The following INO80 variants were observed in gnomAD, a reference collection of about 807,000 sequenced individuals.
INO80 encodes the protein INO80 complex ATPase subunit, also known as chromatin-remodeling ATPase INO80.
In INO80, 20 loss-of-function variants were observed where a neutral mutation model predicts 203.4. The observed-to-expected ratio is 0.10, with a 90% CI of 0.07 to 0.14. The LOEUF (loss-of-function observed/expected upper bound fraction) is 0.14, where lower values mean the gene tolerates loss of function less well. Ranked by LOEUF, INO80 falls within the 10% of genes least tolerant of loss-of-function variation. The pLI, the probability that INO80 is intolerant of heterozygous loss-of-function variation, is 1.00. For synonymous variants in INO80, 726 were observed against 685.2 expected (o/e 1.06, Z -0.93); for missense variants, 1,419 against 1,914.4 (o/e 0.74, Z 4.83).
At chr15:41,044,750 A>T (rs796605736) in intron 24 of INO80, among the ~76,000 whole-genome samples, 154 bp downstream of exon 24, 41 of 152,350 alleles carry the variant, frequency 2.7e-4, no homozygotes, top group African/African-American at 9.9e-4. Context: ...TACAAAGTGT[A>T]AATTAAGTTA....
chr15:40,997,765 G>A, intron 28 of INO80, 164 bp from the exon 29 acceptor site: 1 of 522,236 alleles, frequency 1.9e-6, no homozygotes, highest in Non-Finnish European at 3.5e-6. Flanking sequence ...ATACAATGTT[G>A]CTCTGTTGTT....
chr15:41,004,514 T>C (rs2044008770), intron 28 of INO80: 1 of 152,220 alleles, frequency 6.6e-6, no homozygotes, highest in South Asian at 2.1e-4. Context: ...AAGATCTGCT[T>C]TATTCCTTGG....
At chr15:40,992,925 TG>T (rs1230403982) in intron 29 of INO80, among the ~76,000 whole-genome samples, 1 of 152,204 alleles carries the variant, frequency 6.6e-6, no homozygotes, top group Non-Finnish European at 1.5e-5. Context: ...CCCGAGTATC[TG>T]GGATCACAGG....
intron 25 of INO80, among the ~76,000 whole-genome samples, chr15:41,026,479 GGAGGTT>G (rs1471362974): frequency 2.6e-5 from 4 of 152,012 alleles, no homozygotes; most frequent in Non-Finnish European, 5.9e-5. Context: ...CTTGAGCCCA[GGAGGTT>G]GAGGTTGCAG....
rs745717114 is a variant in INO80, at chr15:41,027,606, G to C, written c.3038C>G (p.Ala1013Gly). Residue 1013 changes from alanine to glycine, a missense_variant, in exon 25 of 36, where the codon GCC becomes GGC. Transcript: ENST00000648947. ...TCCTGGAGCACTTACTCGTGGACTG[G>C]CCACACACAAAAAAGATGGCAGCTC... ...LTELPSFLCV[A>G]SPRVTAVPLD... 168 of 1,611,558 alleles carry C rather than the reference G, an allele frequency of 1.0e-4. No homozygotes were observed. The highest frequency in any genetic ancestry group is 1.4e-4 in the Non-Finnish European group (161 of 1,178,844).
chr15:41,035,815 C>A, intron 24 of INO80, among the ~76,000 whole-genome samples: 1 of 65,574 alleles, frequency 1.5e-5, no homozygotes, highest in Non-Finnish European at 2.6e-5. Flanking sequence ...GAGTGAGACT[C>A]TGTCTCAAAA....
At chr15:41,019,807 A>G (rs1259269059) in intron 26 of INO80, among the ~76,000 whole-genome samples, 1 of 152,246 alleles carries the variant, frequency 6.6e-6, no homozygotes, top group Non-Finnish European at 1.5e-5. Context: ...GACACTTGAC[A>G]AAGTTAAAAT....
chr15:41,023,874 A>T (rs891081588), intron 25 of INO80, among the ~76,000 whole-genome samples: 1 of 151,484 alleles, frequency 6.6e-6, no homozygotes, highest in African/African-American at 2.4e-5. Flanking sequence ...GTTTTGATTT[A>T]AAAATTTTTA....
At chr15:41,027,776 T>C (rs1389854866) in intron 24 of INO80, 40 bp from the exon 25 acceptor site, 3 of 1,509,314 alleles carry the variant, frequency 2.0e-6, no homozygotes, top group East Asian at 2.3e-5. Context: ...ACTATAATTA[T>C]GTTTAATGTA....
At chr15:40,993,773 T>TAAAAAA (rs377016726) in intron 29 of INO80, among the ~76,000 whole-genome samples, 1 of 5,828 alleles carries the variant, frequency 1.7e-4, no homozygotes, top group Non-Finnish European at 4.2e-4. Context: ...AATAAATAAA[T>TAAAAAA]AAATAAAAAG....
At chr15:41,112,857 C>G (rs1028114341) in intron 1 of INO80, among the ~76,000 whole-genome samples, 1 of 151,664 alleles carries the variant, frequency 6.6e-6, no homozygotes, top group African/African-American at 2.4e-5. Flanking sequence ...CCTATTAACC[C>G]CAACCCACTT....
chr15:41,032,518 A>G (rs911798928), intron 24 of INO80, among the ~76,000 whole-genome samples: 3 of 152,160 alleles, frequency 2.0e-5, no homozygotes, highest in Admixed American at 6.6e-5. Flanking sequence ...GAAAACTAAC[A>G]TTTAGTGGAA....
chr15:41,043,883 G>A (rs780204921), intron 24 of INO80, among the ~76,000 whole-genome samples: 31 of 152,070 alleles, frequency 2.0e-4, no homozygotes, highest in Non-Finnish European at 4.0e-4. Context: ...TATTCTGTAA[G>A]GGCCAAGAAT....
intron 14 of INO80, among the ~76,000 whole-genome samples, chr15:41,063,923 A>G (rs1008554311): frequency 1.3e-5 from 2 of 152,226 alleles, no homozygotes; most frequent in African/African-American, 4.8e-5. Context: ...CTTTTAGTCA[A>G]AAAGTCTTTA....
intron 7 of INO80, 103 bp from the exon 8 acceptor site, chr15:41,081,176 T>G: frequency 1.4e-6 from 1 of 732,258 alleles, no homozygotes; most frequent in Non-Finnish European, 2.3e-6. Context: ...TTAGAAAATG[T>G]CAAGCCAAGC....
At chr15:40,981,969 C>A (rs1001021284) in intron 35 of INO80, among the ~76,000 whole-genome samples, 2 of 152,234 alleles carry the variant, frequency 1.3e-5, no homozygotes, top group Admixed American at 1.3e-4. Flanking sequence ...TGAATACAGA[C>A]AGGCAACTTA....
At chr15:40,999,500 A>G (rs1413773904) in intron 28 of INO80, 2 of 152,228 alleles carry the variant, frequency 1.3e-5, no homozygotes, top group Admixed American at 6.5e-5. Context: ...CAACTTTCCT[A>G]CAGAGGCATG....
Position 40,979,687 on chromosome 15 carries a change from T to C in INO80, c.*536A>G, listed in dbSNP as rs943826707. The C allele has an allele frequency of 1.2e-5, 2 of 162,718 alleles. 1 individual carries two copies. The highest frequency in any genetic ancestry group is 2.7e-5 in the Non-Finnish European group (2 of 73,808). The allele number at this position is 162,718 out of a possible 1,614,324, so 10.1% of individuals were successfully genotyped here. ...CATGCTTAGCGGCCTCCACCATCTC[T>C]CGCAGTCACTGCTCTCTCCAATGAT... is the stretch of plus-strand genomic sequence containing the variant. On this transcript the variant is annotated 3_prime_UTR_variant, in exon 36 of 36. Coordinates refer to ENST00000648947, the MANE Select transcript of INO80 (RefSeq NM_017553.3).
rs767597939 is a variant in INO80 at position 41,021,069 on chromosome 15, C to T, written c.3105G>A (p.Arg1035=). Residue 1035 remains arginine, a synonymous_variant, in exon 26 of 36, where the codon AGG becomes AGA. Transcript: ENST00000648947. Reference sequence around the variant, plus strand: ...GACTCCCTCCTTCCTTCAGAACTCGCCTTTCATATTCTGCACTTCGGTCAT... The same window carrying T: ...GACTCCCTCCTTCCTTCAGAACTCGTCTTTCATATTCTGCACTTCGGTCAT... ...YCNDRSAEYE[R]RVLKEGGSLA... is the part of the protein sequence containing the mutation. 4 of 1,614,228 alleles carry T rather than the reference C, an allele frequency of 2.5e-6. No homozygotes were observed. Among genetic ancestry groups the T allele is most frequent in the South Asian group, 2.2e-5 (2 of 91,088 alleles).
Sources: allele counts gnomAD v4.1 joint callset (sites outside exome capture counted in the v4.1 genomes callset), GRCh38; gene constraint gnomAD v4.1.1; transcripts MANE v1.5; gene names NCBI Gene and HGNC (gene_info 2026-07-23, HGNC 2026-07-21).